XRCC4: variants seen among roughly 807,000 people sequenced by gnomAD.
The protein encoded by XRCC4 is X-ray repair cross complementing 4.
In XRCC4, 28 loss-of-function variants were observed where a neutral mutation model predicts 39.1. The observed-to-expected ratio is 0.72, with a 90% confidence interval of 0.53 to 0.98. The LOEUF (loss-of-function observed/expected upper bound fraction) is 0.98. Ranked by LOEUF, XRCC4 falls within the 50% of genes least tolerant of loss-of-function variation. The pLI, the probability that XRCC4 is intolerant of heterozygous loss-of-function variation, is 0.00. For missense variants in XRCC4, 350 were observed against 376.4 expected, an observed-to-expected ratio of 0.93 and a Z score of 0.58; for synonymous variants, 123 against 126.4, an observed-to-expected ratio of 0.97 and a Z score of 0.18.
At chr5:83,321,210 T>C (rs1485706956) in intron 7 of XRCC4, among the ~76,000 whole-genome samples, 1 of 152,202 alleles carries the variant, frequency 6.6e-6, no homozygotes, top group Non-Finnish European at 1.5e-5. Context: ...ACTCACTTTA[T>C]TGAGATTTTG....
At chr5:83,315,832 GT>G (rs1450468850) in intron 7 of XRCC4, among the ~76,000 whole-genome samples, 10 of 152,110 alleles carry the variant, frequency 6.6e-5, no homozygotes, top group Non-Finnish European at 1.2e-4. Flanking sequence ...AAAGAAGTGT[GT>G]TTTCATGCCT....
intron 7 of XRCC4, chr5:83,310,814 A>T (rs1251627301): frequency 2.2e-6 from 1 of 456,580 alleles, no homozygotes; most frequent in East Asian, 6.9e-5. Flanking sequence ...GACTTCAGAG[A>T]AAGAGGCCGT....
chr5:83,231,948 G>A (rs918372689), intron 6 of XRCC4, among the ~76,000 whole-genome samples: 2 of 151,942 alleles, frequency 1.3e-5, no homozygotes, highest in Non-Finnish European at 2.9e-5. Flanking sequence ...TCTGCTATTG[G>A]ACTTTATAAT....
At chr5:83,357,024 C>CA (rs1188270492), downstream of XRCC4, among the ~76,000 whole-genome samples, 2 of 152,138 alleles carry the variant, frequency 1.3e-5, no homozygotes, top group Non-Finnish European at 2.9e-5. Flanking sequence ...GCCTATAACT[C>CA]AGATTTGTAA....
At chr5:83,323,731 T>C (rs1043859164) in intron 7 of XRCC4, among the ~76,000 whole-genome samples, 2 of 135,598 alleles carry the variant, frequency 1.5e-5, no homozygotes, top group Admixed American at 7.4e-5. Context: ...TCTGATACTG[T>C]GTTTGGAACT....
At chr5:83,280,076 G>T (rs928297728) in intron 7 of XRCC4, 2 of 200,662 alleles carry the variant, frequency 1.0e-5, no homozygotes, top group Non-Finnish European at 1.1e-5. Flanking sequence ...CAATTCAAAA[G>T]AAATTGAAAA....
intron 3 of XRCC4, among the ~76,000 whole-genome samples, chr5:83,150,369 TA>T (rs913356981): frequency 5.9e-5 from 9 of 152,148 alleles, no homozygotes; most frequent in Admixed American, 2.6e-4. Flanking sequence ...TTCTTAATGT[TA>T]AAAGCTTCCT....
At chr5:83,280,417 A>G in intron 7 of XRCC4, 1 of 644,526 alleles carries the variant, frequency 1.6e-6, no homozygotes, top group Non-Finnish European at 2.9e-6. Context: ...CCTTTTGTTT[A>G]TTAATGGTGC....
intron 6 of XRCC4, among the ~76,000 whole-genome samples, chr5:83,229,237 A>T (rs567984632): frequency 1.3e-5 from 2 of 152,150 alleles, no homozygotes; most frequent in East Asian, 1.9e-4. Flanking sequence ...AAATTGTGTG[A>T]GCTGGACTTG....
intron 6 of XRCC4, among the ~76,000 whole-genome samples, chr5:83,219,209 T>A (rs1751988811): frequency 6.6e-6 from 1 of 152,162 alleles, no homozygotes; most frequent in South Asian, 2.1e-4. Context: ...ATGACCTCAT[T>A]TTAACTTTAT....
At chr5:83,214,709 G>A (rs1046502316) in intron 6 of XRCC4, among the ~76,000 whole-genome samples, 1 of 151,636 alleles carries the variant, frequency 6.6e-6, no homozygotes, top group Non-Finnish European at 1.5e-5. Context: ...TCGTGTGGGC[G>A]CCTGTAGTCC....
At chr5:83,289,761 C>T (rs940825374) in intron 7 of XRCC4, among the ~76,000 whole-genome samples, 1 of 151,668 alleles carries the variant, frequency 6.6e-6, no homozygotes, top group Non-Finnish European at 1.5e-5. Flanking sequence ...GAGGTTGAAA[C>T]ATGAGCAATA....
At chr5:83,348,209 CT>C in intron 7 of XRCC4, among the ~76,000 whole-genome samples, 1 of 152,000 alleles carries the variant, frequency 6.6e-6, no homozygotes, top group South Asian at 2.1e-4. Context: ...TGGTGGCTGT[CT>C]TCTCACAGTT....
chr5:83,217,336 A>G (rs1751899271), intron 6 of XRCC4, among the ~76,000 whole-genome samples: 1 of 140,072 alleles, frequency 7.1e-6, no homozygotes, highest in African/African-American at 2.7e-5. Context: ...TAGCCGGGGC[A>G]GCGCAGAGCA....
chr5:83,288,865 AT>A (rs1370056824), intron 7 of XRCC4, among the ~76,000 whole-genome samples: 10 of 151,624 alleles, frequency 6.6e-5, no homozygotes, highest in African/African-American at 2.4e-4. Flanking sequence ...TACTTCAAAT[AT>A]TTTTTCTACT....
intron 1 of XRCC4, among the ~76,000 whole-genome samples, chr5:83,095,922 T>C (rs1745653339): frequency 6.6e-6 from 1 of 152,002 alleles, no homozygotes; most frequent in South Asian, 2.1e-4. Context: ...GAGCTGAGAC[T>C]GAGCCCTTCC....
At chr5:83,290,763 A>G (rs775107441) in intron 7 of XRCC4, among the ~76,000 whole-genome samples, 3 of 151,812 alleles carry the variant, frequency 2.0e-5, no homozygotes, top group Non-Finnish European at 4.4e-5. Flanking sequence ...TTGAATTTTT[A>G]TCCTTTTGTC....
chr5:83,320,807 C>CTTTTTTT (rs869118508), intron 7 of XRCC4, among the ~76,000 whole-genome samples: 2 of 116,978 alleles, frequency 1.7e-5, no homozygotes, highest in Non-Finnish European at 1.7e-5. Flanking sequence ...TTATGTACTT[C>CTTTTTTT]TTTTTTTTTT....
intron 3 of XRCC4, among the ~76,000 whole-genome samples, chr5:83,167,091 A>G (rs1749518003): frequency 6.6e-6 from 1 of 152,110 alleles, no homozygotes; most frequent in Admixed American, 6.6e-5. Context: ...CATGTTTGCC[A>G]GGCTGGTCTC....
Sources: gnomAD v4.1 joint callset for allele counts (sites outside exome capture counted in the v4.1 genomes callset) on GRCh38, gnomAD v4.1.1 for gene constraint, MANE v1.5 for transcripts, NCBI Gene and HGNC (gene_info 2026-07-23, HGNC 2026-07-21) for gene names.